Variants in AGMO observed in about 807,000 individuals in gnomAD.
The protein encoded by AGMO is alkylglycerol monooxygenase.
In AGMO, 75 loss-of-function variants were observed where a neutral mutation model predicts 60.2. That is an observed-to-expected ratio of 1.25 (90% CI 1.03 to 1.51). The LOEUF (loss-of-function observed/expected upper bound fraction) is 1.51. AGMO is among the 40% of genes most tolerant of loss of function. The pLI is 0.00. For missense variants in AGMO, 763 were observed against 525.5 expected, an observed-to-expected ratio of 1.45 and a Z score of -4.42; for synonymous variants, 261 against 177.1, an observed-to-expected ratio of 1.47 and a Z score of -3.76.
intron 12 of AGMO, among the ~76,000 whole-genome samples, chr7:15,231,124 A>G (rs545853607): frequency 6.6e-6 from 1 of 152,244 alleles, no homozygotes; most frequent in Admixed American, 6.5e-5. Flanking sequence ...AGTTTTCTGG[A>G]GTGTAACAAA....
chr7:15,219,522 A>T (rs1781850543), intron 12 of AGMO, among the ~76,000 whole-genome samples: 2 of 152,156 alleles, frequency 1.3e-5, no homozygotes, highest in Non-Finnish European at 2.9e-5. Context: ...ATTAAGAGAC[A>T]TTCTGAGAGG....
In AGMO at chr7:15,366,654, T is replaced by C. The variant is rs1363057278; in HGVS notation, c.1075-432A>G. Reference sequence around the variant, plus strand: ...AATATAGAAAATATTTAAAGGAGACTGTGTTTATGAGTGAAAACATATATA... The same window carrying C: ...AATATAGAAAATATTTAAAGGAGACCGTGTTTATGAGTGAAAACATATATA... On this transcript the variant is annotated intron_variant, in intron 10 of 12. Transcript: ENST00000342526. 2.0e-5 allele frequency among the ~76,000 whole-genome samples: 3 copies of C among 152,008 alleles called. No homozygotes were observed. In the East Asian group the frequency reaches 5.8e-4, roughly 29 times the overall value.
chr7:15,376,196 C>T (rs1783443266), intron 10 of AGMO, among the ~76,000 whole-genome samples: 1 of 151,222 alleles, frequency 6.6e-6, no homozygotes. Flanking sequence ...CTTTTTTTTC[C>T]CCCACATTAC....
chr7:15,407,887 C>T (rs1784747973), intron 5 of AGMO, among the ~76,000 whole-genome samples: 1 of 151,750 alleles, frequency 6.6e-6, no homozygotes, highest in Non-Finnish European at 1.5e-5. Context: ...TTAGATGCTT[C>T]CCATGTGCAG....
intron 12 of AGMO, chr7:15,306,206 C>G (rs1223838468): frequency 4.5e-6 from 1 of 220,356 alleles, no homozygotes; most frequent in Non-Finnish European, 9.2e-6. Context: ...CTTTGACATG[C>G]ACTGACATTG....
chr7:15,495,998 G>C (rs1050549445), intron 3 of AGMO, among the ~76,000 whole-genome samples: 1 of 152,126 alleles, frequency 6.6e-6, no homozygotes, highest in Non-Finnish European at 1.5e-5. Flanking sequence ...ACCATTACTG[G>C]AGATTACAGC....
At chr7:15,391,635 G>A (rs1238227589) in intron 6 of AGMO, among the ~76,000 whole-genome samples, 2 of 152,108 alleles carry the variant, frequency 1.3e-5, no homozygotes, top group African/African-American at 2.4e-5. Flanking sequence ...TGGTTTCCAT[G>A]CATGCAACCA....
rs999585073 is a variant in AGMO, at chr7:15,414,193, G to T, written c.609+4365C>A. Among the ~76,000 whole-genome samples, 65 of 151,810 alleles carry T rather than the reference G, an allele frequency of 4.3e-4. 1 individual carries two copies. The highest frequency in any genetic ancestry group is 3.8e-3 in the Admixed American group (58 of 15,212). Reference sequence around the variant, plus strand: ...CAGCTAATTGCTTTGTAGAGATGGGGTTTCATCATGTTAGCCAGATTGGTC... The same window carrying T: ...CAGCTAATTGCTTTGTAGAGATGGGTTTTCATCATGTTAGCCAGATTGGTC... On this transcript the variant is annotated intron_variant, in intron 5 of 12. Coordinates refer to ENST00000342526, the MANE Select transcript of AGMO (RefSeq NM_001004320.2).
chr7:15,281,121 C>G (rs1354368543), intron 12 of AGMO, among the ~76,000 whole-genome samples: 2 of 152,046 alleles, frequency 1.3e-5, no homozygotes, highest in African/African-American at 4.8e-5. Flanking sequence ...ACAAAAGAAT[C>G]CAGATGGCAG....
At position 15,529,649 on chromosome 7, in the gene AGMO, ATATATTCT is replaced by A. The variant is rs1784238186; in HGVS notation, c.409+15115_409+15122del. Among the ~76,000 whole-genome samples, 3 of 46,390 alleles carry A rather than the reference ATATATTCT, an allele frequency of 6.5e-5. 1 individual carries two copies. Among genetic ancestry groups the A allele is most frequent in the African/African-American group, 2.4e-4 (3 of 12,480 alleles). 30.4% of individuals were successfully genotyped at this position (46,390 alleles called of 152,430 possible). ...TATATATAGAATATATATATATACT[ATATATTCT>A]ATATATATTCTATATATATTCTATA... is the stretch of plus-strand genomic sequence containing the variant. On this transcript the variant is annotated intron_variant, in intron 3 of 12. Coordinates refer to ENST00000342526, the MANE Select transcript of AGMO (RefSeq NM_001004320.2).
intron 12 of AGMO, among the ~76,000 whole-genome samples, chr7:15,356,716 TTAATA>T (rs1782543665): frequency 6.6e-6 from 1 of 151,930 alleles, no homozygotes; most frequent in East Asian, 1.9e-4. Flanking sequence ...TGTATCTAAT[TTAATA>T]TCTCTCAAAT....
At chr7:15,274,966 C>T (rs967383892) in intron 12 of AGMO, among the ~76,000 whole-genome samples, 4 of 151,458 alleles carry the variant, frequency 2.6e-5, no homozygotes, top group Admixed American at 6.6e-5. Context: ...AGTGGCCTAT[C>T]GATTTTTTTT....
chr7:15,202,321 G>A (rs1160336986), intron 12 of AGMO, among the ~76,000 whole-genome samples: 2 of 151,926 alleles, frequency 1.3e-5, no homozygotes. Context: ...GCATTCTGGT[G>A]TGGGGAACTC....
intron 12 of AGMO, among the ~76,000 whole-genome samples, chr7:15,311,768 T>C (rs1035417545): frequency 3.9e-5 from 6 of 152,074 alleles, no homozygotes; most frequent in Admixed American, 1.3e-4. Context: ...CAGTGGAAAA[T>C]AGAAATTGAT....
intron 9 of AGMO, among the ~76,000 whole-genome samples, chr7:15,386,521 T>C (rs555900109): frequency 1.0e-3 from 155 of 152,342 alleles, no homozygotes; most frequent in South Asian, 9.1e-3. Flanking sequence ...TGGTGGATTG[T>C]TGCACAATGA....
chr7:15,149,326 C>G, the AGMO span, among the ~76,000 whole-genome samples: 1 of 152,024 alleles, frequency 6.6e-6, no homozygotes, highest in Non-Finnish European at 1.5e-5. Flanking sequence ...TGTAATTAGG[C>G]CCCACTTATC....
At chr7:15,341,577 C>A (rs896737926) in intron 12 of AGMO, among the ~76,000 whole-genome samples, 2 of 152,164 alleles carry the variant, frequency 1.3e-5, no homozygotes, top group Non-Finnish European at 2.9e-5. Flanking sequence ...CAAACTGTTC[C>A]AAGCTTTGCC....
the AGMO span, among the ~76,000 whole-genome samples, chr7:15,184,332 A>G: frequency 9.9e-6 from 1 of 101,222 alleles, no homozygotes; most frequent in African/African-American, 4.1e-5. Flanking sequence ...GGAAGGAGGA[A>G]GGAAGGAAGG....
In AGMO at chr7:15,454,318, C is replaced by T. The variant is rs530652476; in HGVS notation, c.410-23210G>A. Reference sequence around the variant, plus strand: ...TTTGCTTGAAATGTGCTTGAATGTGCTTGAAATTTCCCAAAAGAACAGATC... The same window carrying T: ...TTTGCTTGAAATGTGCTTGAATGTGTTTGAAATTTCCCAAAAGAACAGATC... On this transcript the variant is annotated intron_variant, in intron 3 of 12. Transcript: ENST00000342526. Among the ~76,000 whole-genome samples the T allele has an allele frequency of 4.0e-5, 6 of 151,808 alleles. No homozygotes were observed. The East Asian group carries it at 7.7e-4, about 20-fold the overall frequency.
Sources: allele counts gnomAD v4.1 joint callset (sites outside exome capture counted in the v4.1 genomes callset), GRCh38; gene constraint gnomAD v4.1.1; transcripts MANE v1.5; gene names NCBI Gene and HGNC (gene_info 2026-07-23, HGNC 2026-07-21).